The following ABCA12 variants were observed in gnomAD, a reference collection of about 807,000 sequenced individuals.
The protein encoded by ABCA12 is ATP binding cassette subfamily A member 12.
ABCA12 carries 156 observed loss-of-function variants against 293.5 expected under a neutral mutation model. The ratio of observed to expected loss-of-function variants is 0.53; its 90% CI spans 0.47 to 0.61. The LOEUF (loss-of-function observed/expected upper bound fraction) is 0.61, where lower values mean the gene tolerates loss of function less well. ABCA12 is among the 20% of genes least tolerant of loss of function. The probability of loss-of-function intolerance (pLI) is 0.00; values close to 1 mark genes in which losing one functional copy is unlikely to be tolerated. For missense variants in ABCA12, 2,797 were observed against 3,090.2 expected, an observed-to-expected ratio of 0.91 and a Z score of 2.25; for synonymous variants, 1,063 against 1,108.0, an observed-to-expected ratio of 0.96 and a Z score of 0.81.
At chr2:214,968,493 A>G (rs1227399661) in intron 38 of ABCA12, among the ~76,000 whole-genome samples, 4 of 152,040 alleles carry the variant, frequency 2.6e-5, no homozygotes, top group Non-Finnish European at 2.9e-5. Flanking sequence ...GTTTTTGGCT[A>G]TTATGAGAAA....
intron 19 of ABCA12, among the ~76,000 whole-genome samples, chr2:215,005,769 A>C (rs1463011948): frequency 6.6e-6 from 1 of 152,228 alleles, no homozygotes; most frequent in Non-Finnish European, 1.5e-5. Context: ...GGATATGCTA[A>C]AAACCCTGAT....
intron 49 of ABCA12, among the ~76,000 whole-genome samples, chr2:214,943,833 A>T (rs531968214): frequency 6.6e-6 from 1 of 152,260 alleles, no homozygotes; most frequent in African/African-American, 2.4e-5. Context: ...ACAAAAGCCA[A>T]TGGAAATTAA....
chr2:214,997,899 T>C (rs1700069630), intron 22 of ABCA12, 90 bp from the exon 23 acceptor site: 1 of 795,250 alleles, frequency 1.3e-6, no homozygotes, highest in Non-Finnish European at 2.2e-6. Context: ...TCACTCTCTC[T>C]TACATTGAAC....
chr2:215,008,691 G>A (rs1430216095), intron 18 of ABCA12, among the ~76,000 whole-genome samples: 2 of 152,012 alleles, frequency 1.3e-5, no homozygotes, highest in African/African-American at 4.8e-5. Context: ...TAAATTATAG[G>A]AAGATGCATA....
At chr2:215,011,007 T>C (rs1700359700) in intron 17 of ABCA12, among the ~76,000 whole-genome samples, 1 of 152,192 alleles carries the variant, frequency 6.6e-6, no homozygotes, top group South Asian at 2.1e-4. Flanking sequence ...GCTGCAGTCA[T>C]GCAACTCTAC....
intron 1 of ABCA12, among the ~76,000 whole-genome samples, chr2:215,133,232 C>T (rs556635049): frequency 8.4e-6 from 1 of 119,306 alleles, no homozygotes; most frequent in African/African-American, 3.1e-5. Flanking sequence ...GAGTTGGTGA[C>T]GTTTGGCTTG....
intron 1 of ABCA12, among the ~76,000 whole-genome samples, chr2:215,115,436 T>C (rs1214463694): frequency 2.0e-5 from 3 of 152,212 alleles, no homozygotes; most frequent in South Asian, 4.1e-4. Context: ...CAATAGGCCA[T>C]GACTTTTTTC....
intron 3 of ABCA12, among the ~76,000 whole-genome samples, chr2:215,055,987 T>C (rs1701412347): frequency 6.6e-6 from 1 of 152,064 alleles, no homozygotes; most frequent in Non-Finnish European, 1.5e-5. Context: ...TTCTCGACAT[T>C]TTTTTAGTTT....
Position 214,975,952 on chromosome 2 carries a change from G to T in ABCA12, c.5214C>A (p.His1738Gln), listed in dbSNP as rs769313978. The part of the protein sequence containing the change: ...KIMAILIKRF[H>Q]HTRRNWKGLI... Reference sequence around the variant, plus strand: ...GACCTTTCCAGTTCCTGCGGGTGTGGTGGAACCTCTTGATGAGTATAGCCA... The same window carrying T: ...GACCTTTCCAGTTCCTGCGGGTGTGTTGGAACCTCTTGATGAGTATAGCCA... Residue 1738 changes from histidine (H) to glutamine (Q), a missense_variant, in exon 34 of 53, where the codon CAC (histidine) becomes CAA (glutamine). This residue lies in a region of ABCA12 where 2,130 missense variants were observed against 2,427.0 expected (regional missense o/e 0.88). Coordinates refer to ENST00000272895, the MANE Select transcript of ABCA12 (RefSeq NM_173076.3). The T allele has an allele frequency of 1.7e-5, 28 of 1,614,100 alleles. No individual in the cohort carries two copies. Among genetic ancestry groups the T allele is most frequent in the Non-Finnish European group, 2.4e-5 (28 of 1,179,990 alleles).
chr2:214,950,245 G>A (rs764048587), intron 45 of ABCA12, among the ~76,000 whole-genome samples: 3 of 152,060 alleles, frequency 2.0e-5, no homozygotes, highest in Non-Finnish European at 4.4e-5. Context: ...TTGAGCATCT[G>A]TGGATTTCTG....
intron 34 of ABCA12, 99 bp downstream of exon 34, chr2:214,975,686 A>G: frequency 2.0e-6 from 3 of 1,506,776 alleles, no homozygotes; most frequent in Non-Finnish European, 2.8e-6. Context: ...ATGGCTTCTA[A>G]GTACTTTATT....
intron 29 of ABCA12, 78 bp from the exon 30 acceptor site, chr2:214,982,461 G>C: frequency 2.6e-6 from 3 of 1,152,536 alleles, no homozygotes; most frequent in Non-Finnish European, 3.9e-6. Context: ...AACCCTAATT[G>C]ATATGTATTC....
chr2:214,978,796 A>T lies in ABCA12; in HGVS notation c.4977+8T>A. On this transcript the variant is annotated splice_region_variant and intron_variant, in intron 32 of 52. Transcript: ENST00000272895. The stretch of plus-strand genomic sequence containing the variant: ...GCTTGAAGAAAAAAAAGAAATATTG[A>T]GGTATACCTCCTCCACGGTGGTATC... 1 of 1,610,094 alleles carries T rather than the reference A, an allele frequency of 6.2e-7. No homozygotes were observed. The highest frequency in any genetic ancestry group is 8.5e-7 in the Non-Finnish European group (1 of 1,176,354).
intron 9 of ABCA12, among the ~76,000 whole-genome samples, chr2:215,027,615 T>G (rs1012779080): frequency 6.6e-6 from 1 of 152,142 alleles, no homozygotes; most frequent in Non-Finnish European, 1.5e-5. Flanking sequence ...AGATAAACAA[T>G]GAATAATCTT....
intron 8 of ABCA12, among the ~76,000 whole-genome samples, chr2:215,036,345 G>C (rs572202056): frequency 6.6e-5 from 10 of 152,320 alleles, no homozygotes; most frequent in African/African-American, 2.4e-4. Flanking sequence ...ATATGTAAAA[G>C]CTGACAAACT....
chr2:215,025,412 C>T (rs1005881590), intron 11 of ABCA12: 8 of 412,436 alleles, frequency 1.9e-5, no homozygotes, highest in African/African-American at 4.1e-5. Flanking sequence ...CTTCCCACCT[C>T]GGCCTCCTGA....
intron 2 of ABCA12, among the ~76,000 whole-genome samples, chr2:215,076,289 C>A (rs1701831611): frequency 6.6e-6 from 1 of 152,180 alleles, no homozygotes; most frequent in African/African-American, 2.4e-5. Flanking sequence ...GTCAAAGTTA[C>A]TGTCTCATTA....
At chr2:214,937,238 A>T (rs1199763753) in intron 51 of ABCA12, among the ~76,000 whole-genome samples, 1 of 152,082 alleles carries the variant, frequency 6.6e-6, no homozygotes, top group African/African-American at 2.4e-5. Flanking sequence ...TCGCTTTGTC[A>T]CCCAGGCTGG....
At chr2:214,985,127 A>C (rs1335546755) in intron 28 of ABCA12, among the ~76,000 whole-genome samples, 1 of 152,216 alleles carries the variant, frequency 6.6e-6, no homozygotes, top group Non-Finnish European at 1.5e-5. Context: ...CTGAAATACA[A>C]ATAACATACT....
Sources: gnomAD v4.1 joint callset for allele counts (sites outside exome capture counted in the v4.1 genomes callset) on GRCh38, gnomAD v4.1.1 for gene constraint, gnomAD v4.1.1 regional missense constraint, MANE v1.5 for transcripts, NCBI Gene and HGNC (gene_info 2026-07-23, HGNC 2026-07-21) for gene names.